DOCK2: variants seen among roughly 807,000 people sequenced by gnomAD.
DOCK2 encodes dedicator of cytokinesis 2, also known as dedicator of cytokinesis protein 2.
A neutral mutation model predicts 248.9 loss-of-function variants in DOCK2; 87 were observed. That is an observed-to-expected ratio of 0.35 (90% CI 0.29 to 0.42). The LOEUF is 0.42. Ranked by LOEUF, DOCK2 falls within the 10% of genes least tolerant of loss-of-function variation. The probability of loss-of-function intolerance (pLI) is 1.00; values close to 1 mark genes in which losing one functional copy is unlikely to be tolerated. For missense variants in DOCK2, 1,747 were observed against 2,300.2 expected (o/e 0.76, Z 4.92); for synonymous variants, 805 against 821.6 (o/e 0.98, Z 0.35).
At position 169,928,045 on chromosome 5, in the gene DOCK2, G is replaced by A. The variant is rs1250493114; in HGVS notation, c.2800-55023G>A. ...GTATGCATTTTTTCTTAAACAGGTG[G>A]TAGAGAGGGTACAAATATCAGGGAG... On this transcript the variant is annotated intron_variant, in intron 27 of 51. Transcript: ENST00000520908. Among the ~76,000 whole-genome samples, 2 of 152,210 alleles carry A rather than the reference G, an allele frequency of 1.3e-5. 1 individual carries two copies. Among genetic ancestry groups the A allele is most frequent in the South Asian group, 4.1e-4 (2 of 4,830 alleles).
intron 23 of DOCK2, among the ~76,000 whole-genome samples, chr5:169,757,261 A>T (rs2113725078): frequency 6.6e-6 from 1 of 152,174 alleles, no homozygotes; most frequent in Non-Finnish European, 1.5e-5. Context: ...CCTGATAAAG[A>T]TGGTCCTTGA....
chr5:169,883,294 A>G, intron 27 of DOCK2: 5 of 1,551,602 alleles, frequency 3.2e-6, no homozygotes, highest in Non-Finnish European at 4.4e-6. Context: ...TGGAACCTGA[A>G]TGGCAGCTGT....
At chr5:169,669,380 C>T (rs749243457) in intron 3 of DOCK2, 52 bp downstream of exon 3, 2 of 1,592,242 alleles carry the variant, frequency 1.3e-6, no homozygotes, top group Non-Finnish European at 1.7e-6. Context: ...TTCATATGGC[C>T]CCGCTATCCC....
chr5:170,007,870 G>C (rs1350069107), intron 30 of DOCK2, among the ~76,000 whole-genome samples: 4 of 152,162 alleles, frequency 2.6e-5, no homozygotes, highest in Admixed American at 2.6e-4. Flanking sequence ...CACCCCCAGA[G>C]GTTCTGATTC....
chr5:169,960,166 C>A (rs564671005), intron 27 of DOCK2, among the ~76,000 whole-genome samples: 1 of 152,254 alleles, frequency 6.6e-6, no homozygotes, highest in Non-Finnish European at 1.5e-5. Flanking sequence ...TTTATAAGTA[C>A]CCATGATAAA....
intron 27 of DOCK2, among the ~76,000 whole-genome samples, chr5:169,874,782 G>A (rs1407469856): frequency 1.3e-5 from 2 of 152,178 alleles, no homozygotes; most frequent in South Asian, 4.1e-4. Flanking sequence ...GGGACTGAGA[G>A]AGGTGGGAGG....
At chr5:170,006,014 G>C (rs1755022657) in intron 30 of DOCK2, among the ~76,000 whole-genome samples, 1 of 152,122 alleles carries the variant, frequency 6.6e-6, no homozygotes. Flanking sequence ...TCCATGTCCT[G>C]TGGCCACAGT....
At chr5:169,649,609 G>A (rs1012155876) in intron 1 of DOCK2, among the ~76,000 whole-genome samples, 3 of 152,212 alleles carry the variant, frequency 2.0e-5, no homozygotes, top group Non-Finnish European at 4.4e-5. Context: ...GTGTAATAGA[G>A]TGTGATGCCT....
chr5:170,037,109 C>T (rs1216893892), intron 36 of DOCK2, among the ~76,000 whole-genome samples: 1 of 151,844 alleles, frequency 6.6e-6, no homozygotes, highest in African/African-American at 2.4e-5. Context: ...ATTATTGTTA[C>T]TTTTATTTAT....
chr5:169,694,002 G>A (rs1321274931), intron 9 of DOCK2, among the ~76,000 whole-genome samples: 1 of 152,226 alleles, frequency 6.6e-6, no homozygotes, highest in Admixed American at 6.5e-5. Flanking sequence ...ATCCAGACCG[G>A]TGTTTGACCA....
At chr5:169,881,357 T>C in intron 27 of DOCK2, 1 of 1,550,526 alleles carries the variant, frequency 6.4e-7, no homozygotes, top group Non-Finnish European at 8.7e-7. Context: ...GCCTCGCTTG[T>C]GGCCAGGTAC....
At position 169,672,148 on chromosome 5, in the gene DOCK2, A is replaced by C. The variant is rs569625610; in HGVS notation, c.321+974A>C. On this transcript the variant is annotated intron_variant, in intron 5 of 51. Coordinates refer to ENST00000520908, the MANE Select transcript of DOCK2 (RefSeq NM_004946.3). Reference sequence around the variant, plus strand: ...TGGCCTCCTGAGTAGCTGGGATTACAGGTGCCCGCCACCACGCCCAGCTAA... The same window carrying C: ...TGGCCTCCTGAGTAGCTGGGATTACCGGTGCCCGCCACCACGCCCAGCTAA... Among the ~76,000 whole-genome samples the C allele has an allele frequency of 3.3e-5, 5 of 152,200 alleles. No individual in the cohort carries two copies. In the East Asian group the frequency reaches 9.6e-4, roughly 29 times the overall value.
At chr5:170,055,166 A>G in intron 41 of DOCK2, 139 bp from the exon 42 acceptor site, 1 of 729,202 alleles carries the variant, frequency 1.4e-6, no homozygotes, top group Non-Finnish European at 2.3e-6. Context: ...CCTAGTGGGC[A>G]GCCAGCAACC....
At chr5:169,800,495 G>A (rs1253058110) in intron 25 of DOCK2, among the ~76,000 whole-genome samples, 1 of 152,170 alleles carries the variant, frequency 6.6e-6, no homozygotes, top group East Asian at 1.9e-4. Flanking sequence ...CTCTCATGGA[G>A]CTTAATCTTT....
chr5:169,829,529 A>T lies in DOCK2; in HGVS notation c.2704-11228A>T, dbSNP rs574081208. ...TACCTGAGACGATTGCTGCAGGGCCATTTGTTCATGTAGTTCAATTTTCAC... is the reference window on the plus strand; with the variant it reads ...TACCTGAGACGATTGCTGCAGGGCCTTTTGTTCATGTAGTTCAATTTTCAC... On this transcript the variant is annotated intron_variant, in intron 26 of 51. Coordinates refer to ENST00000520908, the MANE Select transcript of DOCK2 (RefSeq NM_004946.3). Among the ~76,000 whole-genome samples the T allele has an allele frequency of 5.3e-5, 8 of 152,322 alleles. No individual in the cohort carries two copies. In the East Asian group the frequency reaches 1.5e-3, roughly 29 times the overall value.
rs775459325 is a variant in DOCK2, at chr5:169,718,807, G to A, written c.2267+16G>A. 1.2e-6 allele frequency: 2 copies of A among 1,606,280 alleles called. No homozygotes were observed. The highest frequency in any genetic ancestry group is 1.7e-5 in the Admixed American group (1 of 59,794). On this transcript the variant is annotated intron_variant, in intron 22 of 51. Coordinates refer to ENST00000520908, the MANE Select transcript of DOCK2 (RefSeq NM_004946.3). ...TATTTTCACAGTGAGTACTTGTTAT[G>A]TAAGAGTGATTGATTAGCTCTGCAA...
intron 15 of DOCK2, 92 bp downstream of exon 15, chr5:169,708,359 G>C (rs1581071719): frequency 8.3e-7 from 1 of 1,200,990 alleles, no homozygotes; most frequent in African/African-American, 1.5e-5. Context: ...TTTATGTATT[G>C]CTTACAACAG....
intron 25 of DOCK2, among the ~76,000 whole-genome samples, chr5:169,799,251 CTTATT>C (rs1766828638): frequency 6.6e-6 from 1 of 152,138 alleles, no homozygotes; most frequent in African/African-American, 2.4e-5. Context: ...TTTAGAATCT[CTTATT>C]TTACTTTTCA....
chr5:169,925,821 TG>T (rs1775419388), intron 27 of DOCK2, among the ~76,000 whole-genome samples: 1 of 152,164 alleles, frequency 6.6e-6, no homozygotes, highest in South Asian at 2.1e-4. Flanking sequence ...TATCTATTGC[TG>T]CTATTATCAC....
Sources: allele counts gnomAD v4.1 joint callset (sites outside exome capture counted in the v4.1 genomes callset), GRCh38; gene constraint gnomAD v4.1.1; transcripts MANE v1.5; gene names NCBI Gene and HGNC (gene_info 2026-07-23, HGNC 2026-07-21).